The following MPV17 variants were observed in gnomAD, a reference collection of about 807,000 sequenced individuals.
The protein encoded by MPV17 is MPV17, mitochondrial inner membrane protein.
MPV17 carries 31 observed loss-of-function variants against 28.6 expected under a neutral mutation model. That is an observed-to-expected ratio of 1.08 (90% confidence interval 0.81 to 1.46). MPV17 has a LOEUF of 1.46. MPV17 is among the 40% of genes most tolerant of loss of function. The pLI is 0.00. For missense variants in MPV17, 198 were observed against 216.2 expected (o/e 0.92, Z 0.53); for synonymous variants, 87 against 85.3 (o/e 1.02, Z -0.11).
At chr2:27,313,142 C>G (rs1445492059) in intron 2 of MPV17, 33 bp from the exon 3 acceptor site, 1 of 1,613,998 alleles carries the variant, frequency 6.2e-7, no homozygotes, top group Non-Finnish European at 8.5e-7. Context: ...GTCAGGACAT[C>G]TCCTGGGATG....
At chr2:27,311,567 C>A in intron 7 of MPV17, 1 of 1,549,806 alleles carries the variant, frequency 6.5e-7, no homozygotes. Flanking sequence ...TTCTGGTCTA[C>A]CTCTCTGTCT....
intron 2 of MPV17, chr2:27,313,389 G>A: frequency 1.6e-6 from 1 of 633,248 alleles, no homozygotes; most frequent in Non-Finnish European, 2.7e-6. Context: ...AGAAAGTATA[G>A]AGAGAGGAAG....
At chr2:27,320,737 T>G (rs1679827676) in intron 2 of MPV17, among the ~76,000 whole-genome samples, 1 of 152,180 alleles carries the variant, frequency 6.6e-6, no homozygotes, top group Non-Finnish European at 1.5e-5. Flanking sequence ...ATTCAAATCC[T>G]GGTCTTCTAA....
chr2:27,310,016 A>C, intron 7 of MPV17, 35 bp from the exon 8 acceptor site: 1 of 1,546,966 alleles, frequency 6.5e-7, no homozygotes, highest in Non-Finnish European at 8.9e-7. Context: ...AAGAGGAGGA[A>C]GGCTAAGCAG....
chr2:27,315,920 T>C lies in MPV17; in HGVS notation c.71-2811A>G, dbSNP rs1301653598. On this transcript the variant is annotated intron_variant, in intron 2 of 7. Coordinates refer to ENST00000380044, the MANE Select transcript of MPV17 (RefSeq NM_002437.5). ...TGAGATGACTTGGTAAGGAGTGCAG[T>C]TGGAACTGAACCCAGGCCTTCTCTC... is the stretch of plus-strand genomic sequence containing the variant. 2.2e-5 allele frequency: 31 copies of C among 1,441,612 alleles called. No homozygotes were observed. In the East Asian group the frequency reaches 5.7e-4, roughly 27 times the overall value. 89.3% of individuals were successfully genotyped at this position (1,441,612 alleles called of 1,614,324 possible). A position where few individuals can be genotyped will look rare whatever the true frequency, so the allele number is the denominator to read the frequency against.
chr2:27,319,756 C>A (rs1306841923), intron 2 of MPV17, among the ~76,000 whole-genome samples: 2 of 150,836 alleles, frequency 1.3e-5, no homozygotes, highest in African/African-American at 4.9e-5. Context: ...GAAAGCCCAT[C>A]TCTACTAAAA....
intron 7 of MPV17, chr2:27,311,040 G>GC (rs1679418802): frequency 8.3e-6 from 1 of 120,874 alleles, no homozygotes; most frequent in Non-Finnish European, 1.7e-5. Flanking sequence ...ACTGTGTCCA[G>GC]CCTTTTTTTT....
intron 2 of MPV17, among the ~76,000 whole-genome samples, chr2:27,320,110 G>T (rs1287744266): frequency 6.7e-6 from 1 of 149,554 alleles, no homozygotes; most frequent in African/African-American, 2.5e-5. Flanking sequence ...GGTGGCGCAT[G>T]CCTATAATCC....
In MPV17 at chr2:27,309,898, G is replaced by A; in HGVS notation, c.*14C>T. On this transcript the variant is annotated 3_prime_UTR_variant, in exon 8 of 8. Coordinates refer to ENST00000380044, the MANE Select transcript of MPV17 (RefSeq NM_002437.5). ...TGCATCACTGCAAGGTGGAAACGATGGAGTGAGGCAGGCTTAGAGCCGATG... is the reference window on the plus strand; with the variant it reads ...TGCATCACTGCAAGGTGGAAACGATAGAGTGAGGCAGGCTTAGAGCCGATG... The A allele has an allele frequency of 1.2e-6, 2 of 1,610,068 alleles. No homozygotes were observed. The highest frequency in any genetic ancestry group is 1.1e-5 in the South Asian group (1 of 90,956).
intron 2 of MPV17, chr2:27,316,926 T>A (rs1221695990): frequency 4.3e-6 from 3 of 705,878 alleles, no homozygotes; most frequent in Admixed American, 6.0e-5. Context: ...CCCGAACAGA[T>A]CCAGCGGCCA....
intron 1 of MPV17, 106 bp from the exon 2 acceptor site, chr2:27,322,628 T>C: frequency 3.3e-6 from 3 of 919,360 alleles, no homozygotes; most frequent in Non-Finnish European, 5.3e-6. Flanking sequence ...CCACTTCCAA[T>C]GTGACTTAAA....
chr2:27,311,464 A>G, intron 7 of MPV17: 1 of 910,440 alleles, frequency 1.1e-6, no homozygotes, highest in Non-Finnish European at 1.7e-6. Context: ...ACCTTCAAGC[A>G]TTTGAACCAC....
chr2:27,320,761 G>A (rs1679828234), intron 2 of MPV17, among the ~76,000 whole-genome samples: 1 of 152,334 alleles, frequency 6.6e-6, no homozygotes, highest in South Asian at 2.1e-4. Context: ...TGAAATCTCT[G>A]TACTGTTTTC....
At chr2:27,312,000 C>G (rs1426126878) in intron 6 of MPV17, 49 bp from the exon 7 acceptor site, 2 of 1,603,570 alleles carry the variant, frequency 1.2e-6, no homozygotes, top group Non-Finnish European at 1.7e-6. Context: ...CACCTGACCC[C>G]AGACTCACTG....
chr2:27,321,203 C>G (rs561538788), intron 2 of MPV17, among the ~76,000 whole-genome samples: 16 of 152,352 alleles, frequency 1.1e-4, no homozygotes, highest in African/African-American at 3.6e-4. Flanking sequence ...CTGAGGGAAT[C>G]TGAGCCTGGG....
chr2:27,313,257 G>T (rs1679529742), intron 2 of MPV17, 148 bp from the exon 3 acceptor site: 6 of 1,528,212 alleles, frequency 3.9e-6, no homozygotes, highest in Middle Eastern at 2.3e-4. Flanking sequence ...GTCCCTTCCT[G>T]CTGCCTCAAA....
intron 2 of MPV17, chr2:27,316,827 G>A: frequency 6.8e-6 from 3 of 438,388 alleles, no homozygotes; most frequent in South Asian, 3.3e-5. Context: ...GATGCCCAAT[G>A]ACAGGCTGGG....
At chr2:27,314,187 G>A (rs1244338502) in intron 2 of MPV17, among the ~76,000 whole-genome samples, 1 of 152,036 alleles carries the variant, frequency 6.6e-6, no homozygotes, top group Non-Finnish European at 1.5e-5. Flanking sequence ...ACAATTAGCT[G>A]GGCACGGTGG....
chr2:27,311,800 G>T, intron 7 of MPV17, 99 bp downstream of exon 7: 1 of 1,572,854 alleles, frequency 6.4e-7, no homozygotes, highest in Non-Finnish European at 8.7e-7. Context: ...GTTCCGTTTG[G>T]GGGTCTAAGG....
Sources: gnomAD v4.1 joint callset for allele counts (sites outside exome capture counted in the v4.1 genomes callset) on GRCh38, gnomAD v4.1.1 for gene constraint, MANE v1.5 for transcripts, NCBI Gene and HGNC (gene_info 2026-07-23, HGNC 2026-07-21) for gene names.